Variants in LUC7L2 observed in about 807,000 individuals in gnomAD.
LUC7L2 encodes LUC7 like 2, pre-mRNA splicing factor.
In LUC7L2, 25 loss-of-function variants were observed where a neutral mutation model predicts 52.8. The ratio of observed to expected loss-of-function variants is 0.47; its 90% CI spans 0.34 to 0.66. The LOEUF is 0.66. LUC7L2 is among the 30% of genes least tolerant of loss of function. The pLI, the probability that LUC7L2 is intolerant of heterozygous loss-of-function variation, is 0.01. For missense variants in LUC7L2, 328 were observed against 497.8 expected (o/e 0.66, Z 3.25); for synonymous variants, 144 against 160.9 (o/e 0.89, Z 0.80).
chr7:139,372,449 A>G (rs1054983860), intron 1 of LUC7L2, among the ~76,000 whole-genome samples: 2 of 152,018 alleles, frequency 1.3e-5, no homozygotes, highest in Non-Finnish European at 2.9e-5. Context: ...TCCAGGTTGT[A>G]GTGCTTTTTT....
intron 9 of LUC7L2, among the ~76,000 whole-genome samples, chr7:139,421,423 C>T (rs6946393): frequency 0.38 from 58,371 of 151,942 alleles, 15,621 homozygotes; most frequent in African/African-American, 0.76. Flanking sequence ...TTTGGTTTTC[C>T]GATTGATTTA....
At position 139,422,187 on chromosome 7, in the gene LUC7L2, C is replaced by A; in HGVS notation, c.1026C>A (p.Asp342Glu). ...KRRSSKERFR[D>E]QDLASCDRDR... ...GATCCTCAAAAGAAAGATTCAGAGA[C>A]CAAGACTTAGCATCATGTGACAGAG... The change falls in exon 10 of 10, where the codon GAC becomes GAA. Residue 342 changes from aspartate (D) to glutamate (E), a missense_variant. By Grantham distance (45) the Asp-to-Glu change is conservative. Coordinates refer to ENST00000354926, the MANE Select transcript of LUC7L2 (RefSeq NM_016019.5). The A allele has an allele frequency of 1.2e-6, 2 of 1,610,478 alleles. No individual in the cohort carries two copies. Among genetic ancestry groups the A allele is most frequent in the Non-Finnish European group, 1.7e-6 (2 of 1,179,072 alleles).
intron 1 of LUC7L2, among the ~76,000 whole-genome samples, chr7:139,350,897 G>A (rs374916602): frequency 2.4e-4 from 36 of 151,854 alleles, no homozygotes; most frequent in Non-Finnish European, 3.2e-4. Flanking sequence ...GCTGGTCTCC[G>A]ACTACTGACC....
At position 139,401,896 on chromosome 7, in the gene LUC7L2, A is replaced by G. The variant is rs193009404; in HGVS notation, c.256-241A>G. Among the ~76,000 whole-genome samples, 867 of 151,992 alleles carry G rather than the reference A, an allele frequency of 5.7e-3. 6 individuals are homozygous for G. The highest frequency in any genetic ancestry group is 0.02 in the African/African-American group (829 of 41,460). ...CAGCCTCCCGAGAAGCTGAGACTAC[A>G]GGTGTGCCCCACCCACCTGGCTAAA... On this transcript the variant is annotated intron_variant, in intron 3 of 9. Transcript: ENST00000354926.
chr7:139,345,763 A>G, intron 1 of LUC7L2: 1 of 1,505,554 alleles, frequency 6.6e-7, no homozygotes, highest in East Asian at 2.5e-5. Flanking sequence ...TTCTATCAAT[A>G]TGTATTTATC....
intron 1 of LUC7L2, among the ~76,000 whole-genome samples, chr7:139,369,617 A>G (rs908058161): frequency 2.6e-5 from 4 of 152,216 alleles, no homozygotes; most frequent in Non-Finnish European, 5.9e-5. Flanking sequence ...TTTTTCTTCT[A>G]CTAACAAGGC....
At chr7:139,391,834 G>T (rs930564478) in intron 2 of LUC7L2, among the ~76,000 whole-genome samples, 1 of 152,042 alleles carries the variant, frequency 6.6e-6, no homozygotes, top group African/African-American at 2.4e-5. Context: ...TGATCTGCTT[G>T]CCTCAGGCTC....
chr7:139,402,100 CT>C, intron 3 of LUC7L2, 36 bp from the exon 4 acceptor site: 3 of 1,538,928 alleles, frequency 1.9e-6, no homozygotes, highest in Non-Finnish European at 2.6e-6. Context: ...ATAAAATTGA[CT>C]TTCTGACAGT....
chr7:139,377,387 T>TTTTA (rs1260677086), intron 2 of LUC7L2, among the ~76,000 whole-genome samples: 4 of 151,542 alleles, frequency 2.6e-5, no homozygotes, highest in East Asian at 1.9e-4. Flanking sequence ...GTGTGTTTAT[T>TTTTA]TTTATTTATT....
At chr7:139,377,646 C>T (rs1430420106) in intron 2 of LUC7L2, among the ~76,000 whole-genome samples, 1 of 152,034 alleles carries the variant, frequency 6.6e-6, no homozygotes, top group Non-Finnish European at 1.5e-5. Flanking sequence ...CCCGCCTTGG[C>T]CTCCCAAAGT....
At chr7:139,371,520 G>C in intron 1 of LUC7L2, 10 of 1,536,698 alleles carry the variant, frequency 6.5e-6, no homozygotes, top group East Asian at 2.5e-5. Context: ...AAGTTGATTT[G>C]GTTTCTTGTT....
chr7:139,418,801 C>G (rs1317884436), intron 9 of LUC7L2, among the ~76,000 whole-genome samples: 1 of 152,082 alleles, frequency 6.6e-6, no homozygotes, highest in Non-Finnish European at 1.5e-5. Flanking sequence ...CATAGTTGAA[C>G]AACTTTAAGT....
At chr7:139,341,587 G>C in intron 1 of LUC7L2, 1 of 1,576,626 alleles carries the variant, frequency 6.3e-7, no homozygotes, top group Non-Finnish European at 8.6e-7. Context: ...GTCTGGGCTA[G>C]GGTGGGGAGC....
intron 2 of LUC7L2, among the ~76,000 whole-genome samples, chr7:139,384,054 G>T (rs1402828613): frequency 6.6e-6 from 1 of 151,994 alleles, no homozygotes; most frequent in Non-Finnish European, 1.5e-5. Flanking sequence ...GCCTGGCCCT[G>T]GCCTGGATTT....
chr7:139,361,760 C>G (rs10233769), intron 1 of LUC7L2, among the ~76,000 whole-genome samples: 1 of 129,278 alleles, frequency 7.7e-6, no homozygotes, highest in African/African-American at 4.1e-5. Context: ...AACATTCCTC[C>G]TTTTCCAACA....
intron 1 of LUC7L2, among the ~76,000 whole-genome samples, chr7:139,341,720 G>T (rs561687926): frequency 0.021 from 3,125 of 152,316 alleles, 35 homozygotes; most frequent in South Asian, 0.051. Context: ...GACCAGCGGG[G>T]GGGGGCGCAG....
At chr7:139,379,734 T>A (rs1800901082) in intron 2 of LUC7L2, among the ~76,000 whole-genome samples, 1 of 151,112 alleles carries the variant, frequency 6.6e-6, no homozygotes, top group East Asian at 2.0e-4. Context: ...CCCAGCTAAT[T>A]TTTGCATTTT....
intron 9 of LUC7L2, among the ~76,000 whole-genome samples, chr7:139,421,659 CG>C (rs1795910678): frequency 6.6e-6 from 1 of 152,078 alleles, no homozygotes; most frequent in Non-Finnish European, 1.5e-5. Flanking sequence ...AAACTGTTGC[CG>C]ATAGGCCAAA....
chr7:139,359,192 T>G (rs1289112675), upstream of LUC7L2: 2 of 152,276 alleles, frequency 1.3e-5, no homozygotes, highest in African/African-American at 4.8e-5. Context: ...GCTGGCTCCC[T>G]GCTCCCCGAG....
Sources: gnomAD v4.1 joint callset for allele counts (sites outside exome capture counted in the v4.1 genomes callset) on GRCh38, gnomAD v4.1.1 for gene constraint, MANE v1.5 for transcripts, NCBI Gene and HGNC (gene_info 2026-07-23, HGNC 2026-07-21) for gene names.